The following PTPDC1 variants were observed in gnomAD, a reference collection of about 807,000 sequenced individuals.
The protein encoded by PTPDC1 is protein tyrosine phosphatase domain-containing protein 1.
PTPDC1 carries 53 observed loss-of-function variants against 75.3 expected under a neutral mutation model. That is an observed-to-expected ratio of 0.70 (90% CI 0.56 to 0.88). The LOEUF is 0.88. Among genes scored for constraint, PTPDC1 ranks in the 40% least tolerant of loss-of-function variants. The probability of loss-of-function intolerance (pLI) is 0.00; values close to 1 mark genes in which losing one functional copy is unlikely to be tolerated. For missense variants in PTPDC1, 925 were observed against 998.6 expected (o/e 0.93, Z 0.99); for synonymous variants, 349 against 366.2 (o/e 0.95, Z 0.54).
rs1037044813 is a variant in PTPDC1 at position 94,086,191 on chromosome 9, A to C, written c.416+769A>C. On this transcript the variant is annotated intron_variant, in intron 2 of 8. Coordinates refer to ENST00000620992, the MANE Select transcript of PTPDC1 (RefSeq NM_001253829.2). The stretch of plus-strand genomic sequence containing the variant: ...GTACTTTTTCATATTGGATTTGCTC[A>C]GTACATCTGTAGTGATATAGTCTGG... Among the ~76,000 whole-genome samples, 10 of 152,322 alleles carry C rather than the reference A, an allele frequency of 6.6e-5. No individual in the cohort carries two copies. In the South Asian group the frequency reaches 2.1e-3, roughly 32 times the overall value.
At chr9:94,105,093 T>C (rs1408482915) in intron 8 of PTPDC1, among the ~76,000 whole-genome samples, 2 of 152,254 alleles carry the variant, frequency 1.3e-5, no homozygotes, top group Non-Finnish European at 2.9e-5. Context: ...TAAGAAGTTA[T>C]TATTTATACT....
chr9:94,084,809 A>G (rs763743395), intron 1 of PTPDC1, 35 bp downstream of exon 1: 1 of 1,418,390 alleles, frequency 7.1e-7, no homozygotes, highest in Non-Finnish European at 9.6e-7. Context: ...ATACCTATGT[A>G]TATAAGTTTG....
At chr9:94,052,981 C>T (rs982058905) in intron 1 of PTPDC1, among the ~76,000 whole-genome samples, 2 of 152,172 alleles carry the variant, frequency 1.3e-5, no homozygotes, top group African/African-American at 4.8e-5. Context: ...ATATAGAAAC[C>T]TTGGTTGTAA....
chr9:94,040,687 T>G (rs1825403671), intron 1 of PTPDC1, among the ~76,000 whole-genome samples: 1 of 152,182 alleles, frequency 6.6e-6, no homozygotes, highest in Admixed American at 6.5e-5. Context: ...TATATTTATT[T>G]TTACATATTT....
intron 1 of PTPDC1, among the ~76,000 whole-genome samples, chr9:94,039,225 GATAA>G (rs1825358865): frequency 1.3e-5 from 2 of 152,034 alleles, no homozygotes; most frequent in South Asian, 4.1e-4. Context: ...ATGAAAAATA[GATAA>G]ATAAATTATC....
chr9:94,051,672 A>G (rs548599777), intron 1 of PTPDC1, among the ~76,000 whole-genome samples: 4 of 152,192 alleles, frequency 2.6e-5, no homozygotes, highest in Non-Finnish European at 4.4e-5. Flanking sequence ...TTCATTATCT[A>G]TATCCCCTTG....
chr9:94,085,666 T>C (rs1006599275), intron 2 of PTPDC1, among the ~76,000 whole-genome samples: 1 of 152,230 alleles, frequency 6.6e-6, no homozygotes, highest in Non-Finnish European at 1.5e-5. Flanking sequence ...TGAAATGATA[T>C]ATATAAAGTG....
At chr9:94,087,992 T>A in intron 3 of PTPDC1, 81 bp downstream of exon 3, 2 of 1,455,724 alleles carry the variant, frequency 1.4e-6, no homozygotes, top group Non-Finnish European at 1.9e-6. Context: ...AGTGAAAGAG[T>A]GCTTTCATTT....
At chr9:94,081,851 T>C (rs1329462407), upstream of PTPDC1, among the ~76,000 whole-genome samples, 1 of 152,130 alleles carries the variant, frequency 6.6e-6, no homozygotes, top group South Asian at 2.1e-4. Context: ...AAAACAGAAA[T>C]AGGGAAAGTC....
At chr9:94,060,768 A>C (rs143794038) in intron 1 of PTPDC1, among the ~76,000 whole-genome samples, 1 of 152,286 alleles carries the variant, frequency 6.6e-6, no homozygotes, top group African/African-American at 2.4e-5. Flanking sequence ...CCAAAGGGGG[A>C]TCATGCTAAA....
Position 94,098,191 on chromosome 9 carries a change from G to C in PTPDC1, c.1625G>C (p.Gly542Ala). The change falls in exon 6 of 9, where the codon GGA (glycine) becomes GCA (alanine). Residue 542 changes from glycine (G) to alanine (A), a missense_variant. Gly to Ala is a moderately conservative substitution (Grantham distance 60). Transcript: ENST00000620992. The part of the protein sequence containing the change: ...RIIPKEAQQS[G>A]AFSADVSGSH... ...ATTCCAAAGGAAGCACAGCAGAGTG[G>C]AGCTTTCTCTGCAGATGTTTCAGGC... 4 of 1,614,220 alleles carry C rather than the reference G, an allele frequency of 2.5e-6. No homozygotes were observed. The highest frequency in any genetic ancestry group is 3.4e-6 in the Non-Finnish European group (4 of 1,180,048).
At chr9:94,056,630 A>G (rs532124838) in intron 1 of PTPDC1, among the ~76,000 whole-genome samples, 1 of 152,318 alleles carries the variant, frequency 6.6e-6, no homozygotes, top group Admixed American at 6.5e-5. Flanking sequence ...TCCAGAAAAT[A>G]CACATGTAGA....
intron 1 of PTPDC1, among the ~76,000 whole-genome samples, chr9:94,038,536 T>C (rs1587835431): frequency 6.6e-6 from 1 of 152,348 alleles, no homozygotes; most frequent in South Asian, 2.1e-4. Flanking sequence ...TGAATTTTAA[T>C]AGTAATTCCA....
chr9:94,088,404 T>C, intron 4 of PTPDC1, 141 bp downstream of exon 4: 1 of 971,468 alleles, frequency 1.0e-6, no homozygotes, highest in Non-Finnish European at 1.5e-6. Context: ...TGAGCTACCA[T>C]TCTCTTTGGT....
At chr9:94,098,714 T>A in intron 6 of PTPDC1, 135 bp downstream of exon 6, 1 of 792,348 alleles carries the variant, frequency 1.3e-6, no homozygotes, top group Non-Finnish European at 2.0e-6. Flanking sequence ...TAACTTCAGG[T>A]TTCTCGTCTC....
chr9:94,077,388 C>T (rs1042580909), intron 2 of PTPDC1, among the ~76,000 whole-genome samples: 5 of 152,158 alleles, frequency 3.3e-5, no homozygotes, highest in Non-Finnish European at 7.3e-5. Flanking sequence ...AAGATTGCCT[C>T]CTACTTCTGA....
intron 4 of PTPDC1, among the ~76,000 whole-genome samples, chr9:94,094,365 T>G (rs1203252729): frequency 4.7e-5 from 7 of 149,340 alleles, no homozygotes; most frequent in African/African-American, 1.7e-4. Context: ...GTGCCCCTGC[T>G]GGTGCCTCCC....
At chr9:94,096,022 T>A (rs1056619859) in intron 5 of PTPDC1, among the ~76,000 whole-genome samples, 2 of 152,206 alleles carry the variant, frequency 1.3e-5, no homozygotes, top group Non-Finnish European at 2.9e-5. Context: ...TTTGGAGGTA[T>A]AAGGATTTTG....
At chr9:94,081,990 T>C (rs1826898806), upstream of PTPDC1, among the ~76,000 whole-genome samples, 1 of 152,120 alleles carries the variant, frequency 6.6e-6, no homozygotes, top group Non-Finnish European at 1.5e-5. Flanking sequence ...CTAGAGAACA[T>C]TTGAAGCCCA....
Sources: allele counts gnomAD v4.1 joint callset (sites outside exome capture counted in the v4.1 genomes callset), GRCh38; gene constraint gnomAD v4.1.1; transcripts MANE v1.5; gene names NCBI Gene and HGNC (gene_info 2026-07-23, HGNC 2026-07-21).